The following CENPE variants were observed in gnomAD, a reference collection of about 807,000 sequenced individuals.
CENPE encodes centromere-associated protein E.
In CENPE, 145 loss-of-function variants were observed where a neutral mutation model predicts 336.1. The ratio of observed to expected loss-of-function variants is 0.43; its 90% CI spans 0.38 to 0.50. The LOEUF (loss-of-function observed/expected upper bound fraction) is 0.50. Among genes scored for constraint, CENPE ranks in the 20% least tolerant of loss-of-function variants. CENPE has a pLI of 0.00. For missense variants in CENPE, 2,719 were observed against 3,023.3 expected (o/e 0.90, Z 2.36); for synonymous variants, 1,013 against 984.8 (o/e 1.03, Z -0.54).
At chr4:103,129,864 G>C (rs1307392060) in intron 42 of CENPE, among the ~76,000 whole-genome samples, 1 of 152,174 alleles carries the variant, frequency 6.6e-6, no homozygotes, top group African/African-American at 2.4e-5. Context: ...GGTATGCAAG[G>C]CTGGTTTAAC....
intron 8 of CENPE, among the ~76,000 whole-genome samples, chr4:103,192,110 A>G (rs900674054): frequency 6.6e-6 from 1 of 152,148 alleles, no homozygotes; most frequent in Non-Finnish European, 1.5e-5. Context: ...AACTTAGTAA[A>G]TATTGTGAGT....
At chr4:103,168,040 C>T (rs1023218456) in intron 16 of CENPE, among the ~76,000 whole-genome samples, 3 of 151,616 alleles carry the variant, frequency 2.0e-5, no homozygotes, top group Non-Finnish European at 2.9e-5. Flanking sequence ...ACAGGCTTGC[C>T]GGCCTCTGTC....
At chr4:103,132,489 T>C (rs776916899) in intron 42 of CENPE, among the ~76,000 whole-genome samples, 3 of 152,096 alleles carry the variant, frequency 2.0e-5, no homozygotes, top group South Asian at 2.1e-4. Flanking sequence ...AACTAAATAT[T>C]ATACAACAAG....
Position 103,111,040 on chromosome 4 carries a change from A to T in CENPE, c.7541-29T>A, listed in dbSNP as rs776375335. The T allele has an allele frequency of 3.4e-6, 5 of 1,475,516 alleles. No homozygotes were observed. In the South Asian group the frequency reaches 6.5e-5, roughly 19 times the overall value. The allele number at this position is 1,475,516 out of a possible 1,614,324, so 91.4% of individuals were successfully genotyped here. On this transcript the variant is annotated intron_variant, in intron 46 of 48. Transcript: ENST00000265148. ...TGGGAGGAAAATATACAAATAGGTG[A>T]TAATTTTAATTGTCTCCAAAGTTCA...
At chr4:103,195,306 TGC>T in intron 4 of CENPE, 73 bp from the exon 5 acceptor site, 1 of 1,338,450 alleles carries the variant, frequency 7.5e-7, no homozygotes. Flanking sequence ...AATGCTCATG[TGC>T]TTAAAGAGGT....
intron 1 of CENPE, among the ~76,000 whole-genome samples, chr4:103,197,441 C>T (rs1431197551): frequency 6.6e-6 from 1 of 152,236 alleles, no homozygotes; most frequent in Non-Finnish European, 1.5e-5. Flanking sequence ...TCTCTACCTG[C>T]CCATCATAAC....
intron 24 of CENPE, among the ~76,000 whole-genome samples, chr4:103,154,430 G>C (rs1296820529): frequency 6.6e-6 from 1 of 151,940 alleles, no homozygotes; most frequent in African/African-American, 2.4e-5. Flanking sequence ...TTTAGTAGCT[G>C]CTTGATTCTC....
In CENPE at chr4:103,139,798, C is replaced by T; in HGVS notation, c.6195G>A (p.Met2065Ile). The change falls in exon 38 of 49, where the codon ATG becomes ATA. Residue 2065 changes from methionine to isoleucine, a missense_variant. This residue lies in a region of CENPE where 2,437 missense variants were observed against 2,513.3 expected (regional missense o/e 0.97). Transcript: ENST00000265148. ...RDQFIATLREMIARDRQNHQV... is the reference protein window; with the variant it reads ...RDQFIATLREIIARDRQNHQV... ...AAGACTCTGAACTCACTCTAGCTAT[C>T]ATTTCCCTTAAGGTTGCTATGAATT... 6.2e-7 allele frequency: 1 copy of T among 1,605,062 alleles called. No homozygotes were observed. Among genetic ancestry groups the T allele is most frequent in the Non-Finnish European group, 8.5e-7 (1 of 1,176,682 alleles).
chr4:103,147,717 G>A (rs952060513), intron 28 of CENPE, 71 bp from the exon 29 acceptor site: 18 of 1,342,592 alleles, frequency 1.3e-5, no homozygotes, highest in African/African-American at 8.9e-5. Flanking sequence ...TTTTTGAGAC[G>A]GCATCTCACT....
intron 16 of CENPE, among the ~76,000 whole-genome samples, chr4:103,171,843 A>G (rs1217769145): frequency 6.6e-6 from 1 of 151,886 alleles, no homozygotes; most frequent in African/African-American, 2.4e-5. Context: ...ACAAAGAACA[A>G]TTATATGCCA....
At position 103,106,310 on chromosome 4, in the gene CENPE, T is replaced by A; in HGVS notation, c.8018A>T (p.Gln2673Leu). Residue 2673 changes from glutamine to leucine, a missense_variant, in exon 49 of 49, where the codon CAA (glutamine) becomes CTA (leucine). Gln to Leu is a moderately radical substitution (Grantham distance 113). Coordinates refer to ENST00000265148, the MANE Select transcript of CENPE (RefSeq NM_001813.3). Reference protein sequence around the residue: ...NSSLGLCPEVQNAGAESVDSQ... With the variant: ...NSSLGLCPEVLNAGAESVDSQ... ...ATCCACACTCTCTGCTCCTGCATTT[T>A]GCACCTCTGAGAAAGAAAATGAAAA... 10 of 1,586,400 alleles carry A rather than the reference T, an allele frequency of 6.3e-6. No homozygotes were observed. The highest frequency in any genetic ancestry group is 8.6e-6 in the Non-Finnish European group (10 of 1,164,302).
chr4:103,143,115 T>C (rs542455994), intron 34 of CENPE, 133 bp downstream of exon 34: 30 of 558,688 alleles, frequency 5.4e-5, no homozygotes, highest in African/African-American at 4.7e-4. Context: ...AAAAGATCAA[T>C]GATAGTTTCT....
chr4:103,128,588 C>G (rs1751326939), intron 42 of CENPE, among the ~76,000 whole-genome samples: 1 of 152,056 alleles, frequency 6.6e-6, no homozygotes, highest in South Asian at 2.1e-4. Context: ...TGAAAAATCC[C>G]TGGATAATTA....
At chr4:103,159,658 G>A (rs1478232750) in intron 21 of CENPE, among the ~76,000 whole-genome samples, 1 of 151,766 alleles carries the variant, frequency 6.6e-6, no homozygotes, top group African/African-American at 2.4e-5. Context: ...GCATTTCTCA[G>A]AATTTGACAT....
intron 16 of CENPE, among the ~76,000 whole-genome samples, chr4:103,171,949 G>A (rs185261647): frequency 6.6e-6 from 1 of 152,002 alleles, no homozygotes; most frequent in East Asian, 1.9e-4. Context: ...GGCCAGTAAT[G>A]AGAAAGGAGA....
chr4:103,145,041 G>T lies in CENPE; in HGVS notation c.4857+9C>A. ...ATCCAAAAAAAAAAAAAATAAGATG[G>T]GAACTTACTTTAGCTACAATTTCTT... On this transcript the variant is annotated intron_variant, in intron 32 of 48. Coordinates refer to ENST00000265148, the MANE Select transcript of CENPE (RefSeq NM_001813.3). The T allele has an allele frequency of 1.3e-6, 2 of 1,482,784 alleles. No individual in the cohort carries two copies. Among genetic ancestry groups the T allele is most frequent in the Middle Eastern group, 1.9e-4 (1 of 5,288 alleles). The allele number at this position is 1,482,784 out of a possible 1,614,324, so 91.9% of individuals were successfully genotyped here. A position where few individuals can be genotyped will look rare whatever the true frequency, so the allele number is the denominator to read the frequency against.
intron 16 of CENPE, among the ~76,000 whole-genome samples, chr4:103,165,894 G>GA (rs1001717001): frequency 6.8e-5 from 10 of 147,290 alleles, no homozygotes; most frequent in African/African-American, 2.2e-4. Flanking sequence ...AAAAAAAAAA[G>GA]AAAAAAAAGA....
At chr4:103,153,290 T>C (rs528929816) in intron 24 of CENPE, 40 bp from the exon 25 acceptor site, 1 of 1,367,782 alleles carries the variant, frequency 7.3e-7, no homozygotes, top group East Asian at 2.3e-5. Flanking sequence ...TCTTAAGTAG[T>C]TAACAACAAC....
chr4:103,149,449 T>G lies in CENPE; in HGVS notation c.3397-41A>C, dbSNP rs975292640. The G allele has an allele frequency of 5.4e-6, 8 of 1,484,864 alleles. No individual in the cohort carries two copies. The Admixed American group carries it at 7.0e-5, about 13-fold the overall frequency. 92.0% of individuals were successfully genotyped at this position (1,484,864 alleles called of 1,614,324 possible). On this transcript the variant is annotated intron_variant, in intron 26 of 48. Coordinates refer to ENST00000265148, the MANE Select transcript of CENPE (RefSeq NM_001813.3). Reference sequence around the variant, plus strand: ...TTTTATAATTACCATTTTACTTATATTCTCAAAATTCTTACACAAAATCAT... The same window carrying G: ...TTTTATAATTACCATTTTACTTATAGTCTCAAAATTCTTACACAAAATCAT...
Sources: gnomAD v4.1 joint callset for allele counts (sites outside exome capture counted in the v4.1 genomes callset) on GRCh38, gnomAD v4.1.1 for gene constraint, gnomAD v4.1.1 regional missense constraint, MANE v1.5 for transcripts, NCBI Gene and HGNC (gene_info 2026-07-23, HGNC 2026-07-21) for gene names.